Variants in RPS6 observed in about 807,000 individuals in gnomAD.
The protein encoded by RPS6 is ribosomal protein S6.
A neutral mutation model predicts 27.1 loss-of-function variants in RPS6; 1 was observed. The observed-to-expected ratio is 0.04, with a 90% CI of 0.01 to 0.18. The LOEUF (loss-of-function observed/expected upper bound fraction) is 0.18, where lower values mean the gene tolerates loss of function less well. Ranked by LOEUF, RPS6 falls within the 10% of genes least tolerant of loss-of-function variation. The pLI is 1.00. For synonymous variants in RPS6, 152 were observed against 106.0 expected, an observed-to-expected ratio of 1.43 and a Z score of -2.66; for missense variants, 259 against 319.1, an observed-to-expected ratio of 0.81 and a Z score of 1.44.
Position 19,377,366 on chromosome 9 carries a change from G to A in RPS6, c.497-715C>T, listed in dbSNP as rs188327622. 8.0e-5 allele frequency among the ~76,000 whole-genome samples: 12 copies of A among 150,646 alleles called. No homozygotes were observed. The East Asian group carries it at 2.3e-3, about 29-fold the overall frequency. ...GATTATTTCCAGGGCTATGATTATGGGCAACTGCCACCTATTTGTCAATTG... is the reference window on the plus strand; with the variant it reads ...GATTATTTCCAGGGCTATGATTATGAGCAACTGCCACCTATTTGTCAATTG... On this transcript the variant is annotated intron_variant, in intron 4 of 5. Transcript: ENST00000380394.
chr9:19,377,392 C>CTT (rs77882767), intron 4 of RPS6, among the ~76,000 whole-genome samples: 16,755 of 132,338 alleles, frequency 0.13, 1,255 homozygotes, highest in African/African-American at 0.2. Flanking sequence ...TTGTCAATTG[C>CTT]TTTTTTTTTT....
In RPS6 at chr9:19,380,201, A is replaced by G. The variant is rs1185839328; in HGVS notation, c.-6T>C. On this transcript the variant is annotated 5_prime_UTR_variant, in exon 1 of 6. Transcript: ENST00000380394. Reference sequence around the variant, plus strand: ...CCACCATCACCTACCTTCATCTTGAAGCAGCTGAACGCCTCCGAGGCGCCA... The same window carrying G: ...CCACCATCACCTACCTTCATCTTGAGGCAGCTGAACGCCTCCGAGGCGCCA... 1.9e-6 allele frequency: 3 copies of G among 1,614,162 alleles called. No homozygotes were observed. The highest frequency in any genetic ancestry group is 1.1e-5 in the South Asian group (1 of 91,082).
At chr9:19,379,353 A>G (rs988828618) in intron 2 of RPS6, 134 bp downstream of exon 2, 2 of 1,547,336 alleles carry the variant, frequency 1.3e-6, no homozygotes, top group Non-Finnish European at 1.7e-6. Flanking sequence ...CTAACTTTAT[A>G]AAGTGGCATT....
chr9:19,376,465 C>T (rs780563226), intron 5 of RPS6, 29 bp downstream of exon 5: 9 of 1,612,444 alleles, frequency 5.6e-6, no homozygotes, highest in African/African-American at 1.3e-5. Flanking sequence ...TCGAACTCCT[C>T]CCACCCCCTC....
At position 19,376,556 on chromosome 9, in the gene RPS6, G is replaced by A. The variant is rs1244971902; in HGVS notation, c.592C>T (p.Arg198Cys). The A allele has an allele frequency of 4.3e-6, 7 of 1,614,004 alleles. No homozygotes were observed. Among genetic ancestry groups the A allele is most frequent in the Non-Finnish European group, 5.9e-6 (7 of 1,180,018 alleles). The change falls in exon 5 of 6, where the codon CGT (arginine) becomes TGT (cysteine). Residue 198 changes from arginine to cysteine, a missense_variant. By Grantham distance (180) the Arg-to-Cys change is radical (BLOSUM62 -3). Transcript: ENST00000380394. Reference sequence around the variant, plus strand: ...GCCTCTTCTTTATTTTTCTTGGTACGCTGCTTCTTCAGAGCAATACGCCGC... The same window carrying A: ...GCCTCTTCTTTATTTTTCTTGGTACACTGCTTCTTCAGAGCAATACGCCGC... ...KRRRIALKKQ[R>C]TKKNKEEAAE...
At chr9:19,378,984 G>A in intron 2 of RPS6, 66 bp from the exon 3 acceptor site, 1 of 1,442,576 alleles carries the variant, frequency 6.9e-7, no homozygotes, top group South Asian at 1.2e-5. Context: ...GTACAGGATT[G>A]TGACCTCTGT....
chr9:19,379,407 GA>G, intron 2 of RPS6, 79 bp downstream of exon 2: 6 of 1,585,548 alleles, frequency 3.8e-6, no homozygotes, highest in Non-Finnish European at 5.2e-6. Flanking sequence ...CCCGGAGTCT[GA>G]ACCCCATTCC....
rs752898834 is a variant in RPS6 at position 19,380,143 on chromosome 9, G to C, written c.6+47C>G. 24 of 1,613,834 alleles carry C rather than the reference G, an allele frequency of 1.5e-5. No individual in the cohort carries two copies. In the South Asian group the frequency reaches 1.9e-4, roughly 13 times the overall value. Reference sequence around the variant, plus strand: ...GAGGCAATGCCGCGTTCTGGGACTCGATTCACGTTCCCCAAACCCAGTCTA... The same window carrying C: ...GAGGCAATGCCGCGTTCTGGGACTCCATTCACGTTCCCCAAACCCAGTCTA... On this transcript the variant is annotated intron_variant, in intron 1 of 5. Transcript: ENST00000380394.
At chr9:19,378,301 A>C in intron 4 of RPS6, 67 bp downstream of exon 4, 14 of 1,485,984 alleles carry the variant, frequency 9.4e-6, no homozygotes, top group Non-Finnish European at 1.3e-5. Context: ...TTATCTTCTG[A>C]TATGCACACA....
At chr9:19,376,764 T>A in intron 4 of RPS6, 113 bp from the exon 5 acceptor site, 1 of 1,007,206 alleles carries the variant, frequency 9.9e-7, no homozygotes. Context: ...AAACCTATAA[T>A]GAGGCCTTTA....
chr9:19,379,631 A>AG lies in RPS6; in HGVS notation c.7-14dup. 2.5e-6 allele frequency: 4 copies of AG among 1,609,882 alleles called. No individual in the cohort carries two copies. Among genetic ancestry groups the AG allele is most frequent in the Middle Eastern group, 1.7e-4 (1 of 6,030 alleles). ...AGGAGATGTTCAGCTAAGGATTAAA[A>AG]GGGGGGAAATAGTTTACGAAACTAT... On this transcript the variant is annotated splice_polypyrimidine_tract_variant and intron_variant, in intron 1 of 5. Transcript: ENST00000380394.
chr9:19,377,770 G>T (rs1403446040), intron 4 of RPS6, among the ~76,000 whole-genome samples: 3 of 152,144 alleles, frequency 2.0e-5, no homozygotes, highest in Admixed American at 6.6e-5. Context: ...TCTGAGTAAG[G>T]TCTCTAACTT....
At chr9:19,380,044 G>T in intron 1 of RPS6, 146 bp downstream of exon 1, 2 of 1,570,990 alleles carry the variant, frequency 1.3e-6, no homozygotes, top group Non-Finnish European at 1.7e-6. Context: ...AAAGCTCCAT[G>T]CCCCAGAAAG....
chr9:19,379,892 GC>G, intron 1 of RPS6: 1 of 1,423,698 alleles, frequency 7.0e-7, no homozygotes, highest in Non-Finnish European at 9.1e-7. Context: ...AAGCAAGAAA[GC>G]CGGGGTCAAG....
chr9:19,378,306 C>A, intron 4 of RPS6, 62 bp downstream of exon 4: 1 of 1,518,150 alleles, frequency 6.6e-7, no homozygotes, highest in Non-Finnish European at 9.1e-7. Context: ...TTCTGATATG[C>A]ACACAAAATG....
rs1829633030 is a variant in RPS6, at chr9:19,378,918, C to T, written c.139G>A (p.Gly47Ser). 2 of 1,613,660 alleles carry T rather than the reference C, an allele frequency of 1.2e-6. No individual in the cohort carries two copies. The highest frequency in any genetic ancestry group is 1.7e-5 in the Admixed American group (1 of 59,956). The stretch of plus-strand genomic sequence containing the variant: ...CCACCACTGATTCGGACCACATAAC[C>T]CTGCAAGAGCATACAATGAATGACA... ...AADALGEEWK[G>S]YVVRISGGND... The change falls in exon 3 of 6, where the codon GGT becomes AGT. Residue 47 changes from glycine to serine, a missense_variant and splice_region_variant. Around this residue, in one of 3 missense-constraint regions of RPS6, gnomAD observed 65 missense variants for 66.6 expected, o/e 0.98. Coordinates refer to ENST00000380394, the MANE Select transcript of RPS6 (RefSeq NM_001010.3).
intron 1 of RPS6, chr9:19,379,844 C>G: frequency 7.0e-7 from 1 of 1,427,084 alleles, no homozygotes; most frequent in Middle Eastern, 2.6e-4. Flanking sequence ...CGGAATGACT[C>G]TGGGGGCGAG....
intron 1 of RPS6, 128 bp downstream of exon 1, chr9:19,380,062 T>G (rs1050670860): frequency 1.3e-6 from 2 of 1,598,096 alleles, no homozygotes; most frequent in Non-Finnish European, 1.7e-6. Flanking sequence ...AAGGCGAGCC[T>G]TCTCCTACTT....
At chr9:19,379,299 T>C (rs1829640160) in intron 2 of RPS6, 188 bp downstream of exon 2, 3 of 1,476,624 alleles carry the variant, frequency 2.0e-6, no homozygotes, top group African/African-American at 2.8e-5. Flanking sequence ...ACTTTACGTA[T>C]ATTTTATGGC....
Sources: gnomAD v4.1 joint callset for allele counts (sites outside exome capture counted in the v4.1 genomes callset) on GRCh38, gnomAD v4.1.1 for gene constraint, gnomAD v4.1.1 regional missense constraint, MANE v1.5 for transcripts, NCBI Gene and HGNC (gene_info 2026-07-23, HGNC 2026-07-21) for gene names.